The following CSMD1 variants were observed in gnomAD, a reference collection of about 807,000 sequenced individuals.
CSMD1 encodes the protein CUB and sushi domain-containing protein 1.
A neutral mutation model predicts 417.5 loss-of-function variants in CSMD1; 213 were observed. The observed-to-expected ratio is 0.51, with a 90% CI of 0.46 to 0.57. The LOEUF (loss-of-function observed/expected upper bound fraction) is 0.57, where lower values mean the gene tolerates loss of function less well. CSMD1 is among the 20% of genes least tolerant of loss of function. The pLI is 0.00. For synonymous variants in CSMD1, 2,862 were observed against 1,736.8 expected (o/e 1.65, Z -16.11); for missense variants, 6,923 against 4,529.7 (o/e 1.53, Z -15.17).
At chr8:3,101,700 T>C (rs1233395120) in intron 46 of CSMD1, among the ~76,000 whole-genome samples, 2 of 151,964 alleles carry the variant, frequency 1.3e-5, no homozygotes, top group African/African-American at 2.4e-5. Context: ...AATAGGATTA[T>C]AGGCATGAGC....
intron 23 of CSMD1, among the ~76,000 whole-genome samples, chr8:3,335,912 G>T (rs1226248456): frequency 6.6e-6 from 1 of 152,128 alleles, no homozygotes; most frequent in African/African-American, 2.4e-5. Flanking sequence ...CTGATCCAAG[G>T]CTTCTCTGTT....
At chr8:4,432,136 C>G (rs1316269060) in intron 2 of CSMD1, among the ~76,000 whole-genome samples, 3 of 152,188 alleles carry the variant, frequency 2.0e-5, no homozygotes, top group Non-Finnish European at 2.9e-5. Context: ...TAAATCCTTG[C>G]TAAAGCATGC....
intron 5 of CSMD1, among the ~76,000 whole-genome samples, chr8:3,779,243 G>C (rs768385063): frequency 2.6e-5 from 4 of 151,988 alleles, no homozygotes; most frequent in Non-Finnish European, 5.9e-5. Context: ...TCTAGAAGGT[G>C]AGGACTAGCA....
At chr8:3,594,242 C>A (rs547662861) in intron 8 of CSMD1, among the ~76,000 whole-genome samples, 2 of 152,196 alleles carry the variant, frequency 1.3e-5, no homozygotes, top group South Asian at 4.2e-4. Context: ...TATTAATGAG[C>A]TGCTAGTGTA....
intron 3 of CSMD1, among the ~76,000 whole-genome samples, chr8:4,126,942 C>A (rs1301944473): frequency 1.3e-5 from 2 of 152,086 alleles, no homozygotes; most frequent in Non-Finnish European, 2.9e-5. Context: ...CTGGAAGAGA[C>A]CCTGCAGGTG....
chr8:4,801,452 C>T (rs1005587927), intron 1 of CSMD1, among the ~76,000 whole-genome samples: 4 of 140,090 alleles, frequency 2.9e-5, no homozygotes, highest in Middle Eastern at 6.9e-3. Flanking sequence ...ACTTGACAGC[C>T]TCAGATGGCT....
At chr8:3,268,220 G>A (rs888135834) in intron 26 of CSMD1, among the ~76,000 whole-genome samples, 1 of 150,218 alleles carries the variant, frequency 6.7e-6, no homozygotes, top group Non-Finnish European at 1.5e-5. Context: ...TTACACTAGT[G>A]CCATCATGCA....
chr8:3,435,987 A>G (rs73495468), intron 12 of CSMD1, among the ~76,000 whole-genome samples: 2,339 of 152,242 alleles, frequency 0.015, 71 homozygotes, highest in African/African-American at 0.054. Context: ...TGTATTTGCA[A>G]ATGCTCTCTT....
At chr8:3,675,126 C>G (rs1356070429) in intron 7 of CSMD1, among the ~76,000 whole-genome samples, 1 of 152,202 alleles carries the variant, frequency 6.6e-6, no homozygotes, top group Non-Finnish European at 1.5e-5. Flanking sequence ...CCCCTCACCA[C>G]TTTCCCATCA....
At chr8:2,962,394 C>G in intron 61 of CSMD1, 72 bp downstream of exon 61, 1 of 1,362,982 alleles carries the variant, frequency 7.3e-7, no homozygotes. Flanking sequence ...CACAAATGAC[C>G]CAATTTCGGA....
At chr8:4,095,726 T>C (rs1197438789) in intron 3 of CSMD1, among the ~76,000 whole-genome samples, 3 of 152,226 alleles carry the variant, frequency 2.0e-5, no homozygotes. Flanking sequence ...CTTCAATTTG[T>C]TCAAGTCACG....
rs572299612 is a variant in CSMD1 at position 4,123,975 on chromosome 8, G to A, written c.416-91876C>T. ...AAAAAGCTGGAAAAAAGTTTCTGAT[G>A]TACAGGAAACAAAGAATAATTAAAA... On this transcript the variant is annotated intron_variant, in intron 3 of 69. Coordinates refer to ENST00000635120, the MANE Select transcript of CSMD1 (RefSeq NM_033225.6). Among the ~76,000 whole-genome samples the A allele has an allele frequency of 9.2e-5, 14 of 151,892 alleles. No homozygotes were observed. In the South Asian group the frequency reaches 1.9e-3, roughly 20 times the overall value.
chr8:4,318,827 C>T (rs1290480344), intron 3 of CSMD1, among the ~76,000 whole-genome samples: 2 of 152,044 alleles, frequency 1.3e-5, no homozygotes, highest in East Asian at 3.9e-4. Flanking sequence ...AAGCTAACAT[C>T]CTCCCATAAA....
chr8:3,011,977 T>G (rs2128963482), intron 52 of CSMD1, among the ~76,000 whole-genome samples: 1 of 152,304 alleles, frequency 6.6e-6, no homozygotes, highest in Admixed American at 6.5e-5. Context: ...AGGTCAGCAT[T>G]CTCAGTGCTT....
At chr8:4,661,517 A>T (rs907667634) in intron 1 of CSMD1, among the ~76,000 whole-genome samples, 1 of 152,196 alleles carries the variant, frequency 6.6e-6, no homozygotes, top group Non-Finnish European at 1.5e-5. Flanking sequence ...ATGTGACTCT[A>T]CATGAGAATA....
chr8:4,111,504 G>C (rs1482313597), intron 3 of CSMD1, among the ~76,000 whole-genome samples: 1 of 152,142 alleles, frequency 6.6e-6, no homozygotes, highest in Non-Finnish European at 1.5e-5. Flanking sequence ...CAATAGCAAA[G>C]ACATGGAATC....
chr8:4,877,462 A>C (rs1440277100), intron 1 of CSMD1, among the ~76,000 whole-genome samples: 1 of 152,132 alleles, frequency 6.6e-6, no homozygotes. Flanking sequence ...GATGTTATAA[A>C]GTCATATTTG....
chr8:3,861,488 T>G (rs1162145339), intron 5 of CSMD1, among the ~76,000 whole-genome samples: 2 of 152,190 alleles, frequency 1.3e-5, no homozygotes, highest in African/African-American at 4.8e-5. Flanking sequence ...TTTGGACTCG[T>G]GAGGGCTGTG....
At chr8:4,102,730 G>T (rs934583391) in intron 3 of CSMD1, among the ~76,000 whole-genome samples, 4 of 152,142 alleles carry the variant, frequency 2.6e-5, no homozygotes, top group African/African-American at 7.2e-5. Flanking sequence ...TTTTAGACAA[G>T]ATATTGGAAG....
Sources: allele counts gnomAD v4.1 joint callset (sites outside exome capture counted in the v4.1 genomes callset), GRCh38; gene constraint gnomAD v4.1.1; transcripts MANE v1.5; gene names NCBI Gene and HGNC (gene_info 2026-07-23, HGNC 2026-07-21).